Variants in CDC42SE2 observed in about 807,000 individuals in gnomAD.
CDC42SE2 encodes the protein CDC42 small effector 2.
A neutral mutation model predicts 11.5 loss-of-function variants in CDC42SE2; 3 were observed. The ratio of observed to expected loss-of-function variants is 0.26; its 90% CI spans 0.12 to 0.67. The LOEUF (loss-of-function observed/expected upper bound fraction) is 0.67, where lower values mean the gene tolerates loss of function less well. CDC42SE2 is among the 30% of genes least tolerant of loss of function. The probability of loss-of-function intolerance (pLI) is 0.80; values close to 1 mark genes in which losing one functional copy is unlikely to be tolerated. For missense variants in CDC42SE2, 82 were observed against 106.8 expected (o/e 0.77, Z 1.02); for synonymous variants, 33 against 34.8 (o/e 0.95, Z 0.18).
chr5:131,369,856 C>T (rs748419538), intron 3 of CDC42SE2, among the ~76,000 whole-genome samples: 8 of 152,162 alleles, frequency 5.3e-5, no homozygotes, highest in Non-Finnish European at 1.0e-4. Context: ...TTTAGATAAA[C>T]TGAAGCAGAT....
intron 2 of CDC42SE2, among the ~76,000 whole-genome samples, chr5:131,329,872 TC>T (rs1477677633): frequency 9.9e-5 from 4 of 40,258 alleles, no homozygotes. Context: ...AGAGTGAAAC[TC>T]CATCTCAAAA....
chr5:131,359,769 C>G (rs1035343939), intron 3 of CDC42SE2, among the ~76,000 whole-genome samples: 17 of 152,106 alleles, frequency 1.1e-4, no homozygotes, highest in African/African-American at 4.1e-4. Flanking sequence ...TCGTACATGA[C>G]TGAGAGGAGG....
chr5:131,353,925 T>A (rs1030947074), intron 2 of CDC42SE2, among the ~76,000 whole-genome samples: 1 of 150,366 alleles, frequency 6.7e-6, no homozygotes, highest in Non-Finnish European at 1.5e-5. Context: ...AAAAAAAAAA[T>A]TATCGTTTAA....
At chr5:131,237,776 A>G in the CDC42SE2 span, among the ~76,000 whole-genome samples, 554 of 152,192 alleles carry the variant, frequency 3.6e-3, 1 homozygote, top group Middle Eastern at 0.017. Flanking sequence ...TTTTGTAGAC[A>G]CAGAGTCTCG....
At chr5:131,233,531 C>A in the CDC42SE2 span, among the ~76,000 whole-genome samples, 6 of 152,278 alleles carry the variant, frequency 3.9e-5, no homozygotes, top group East Asian at 1.2e-3. Context: ...CCACACCCAG[C>A]TAATTTTTGT....
chr5:131,227,380 A>G, the CDC42SE2 span, among the ~76,000 whole-genome samples: 2 of 152,190 alleles, frequency 1.3e-5, no homozygotes, highest in Non-Finnish European at 2.9e-5. Flanking sequence ...CACGCCTGTA[A>G]TCTCAGCACT....
chr5:131,212,037 G>A, the CDC42SE2 span, among the ~76,000 whole-genome samples: 8 of 151,660 alleles, frequency 5.3e-5, no homozygotes, highest in Non-Finnish European at 8.8e-5. Flanking sequence ...AAAAAGTAAA[G>A]TAAAATAAAT....
At chr5:131,345,647 A>G (rs1194797602) in intron 2 of CDC42SE2, among the ~76,000 whole-genome samples, 1 of 152,200 alleles carries the variant, frequency 6.6e-6, no homozygotes. Context: ...AAATACAGAG[A>G]ATGCCACAAA....
rs945126356 is a variant in CDC42SE2 at position 131,394,236 on chromosome 5, G to C, written c.*3145G>C. ...TGAAATATATGCTAACAAATGTTAA[G>C]CAAGGGAAACTGAAGACTTAGTCAT... On this transcript the variant is annotated 3_prime_UTR_variant, in exon 5 of 5. Transcript: ENST00000505065. 6.6e-6 allele frequency: 1 copy of C among 152,300 alleles called. No individual in the cohort carries two copies. Among genetic ancestry groups the C allele is most frequent in the Non-Finnish European group, 1.5e-5 (1 of 68,026 alleles). The allele number at this position is 152,300 out of a possible 1,614,324, so 9.4% of individuals were successfully genotyped here.
rs1432431549 is a variant in CDC42SE2 at position 131,391,241 on chromosome 5, A to C, written c.*150A>C. On this transcript the variant is annotated 3_prime_UTR_variant, in exon 5 of 5. Coordinates refer to ENST00000505065, the MANE Select transcript of CDC42SE2 (RefSeq NM_001375635.1). Reference sequence around the variant, plus strand: ...AAGGCAAAATTACTCAGCTAAGTGTAGTTTCTGCACTTGGAATGTAAGTTT... The same window carrying C: ...AAGGCAAAATTACTCAGCTAAGTGTCGTTTCTGCACTTGGAATGTAAGTTT... 3.3e-6 allele frequency: 1 copy of C among 303,282 alleles called. No homozygotes were observed. The highest frequency in any genetic ancestry group is 2.2e-5 in the African/African-American group (1 of 45,440). 18.8% of individuals were successfully genotyped at this position (303,282 alleles called of 1,614,324 possible).
chr5:131,218,955 C>A, the CDC42SE2 span, among the ~76,000 whole-genome samples: 9 of 152,234 alleles, frequency 5.9e-5, no homozygotes, highest in South Asian at 2.1e-4. Context: ...TAAAGCCAAT[C>A]TATGTCTTAG....
intron 3 of CDC42SE2, among the ~76,000 whole-genome samples, chr5:131,383,374 C>T (rs574147895): frequency 1.2e-4 from 19 of 152,310 alleles, no homozygotes; most frequent in Non-Finnish European, 2.4e-4. Flanking sequence ...TTCTGTGGAA[C>T]AGGGCCCCAA....
intron 2 of CDC42SE2, among the ~76,000 whole-genome samples, chr5:131,353,243 C>T (rs1379966988): frequency 6.6e-6 from 1 of 151,972 alleles, no homozygotes; most frequent in African/African-American, 2.4e-5. Flanking sequence ...GCTGGGATTA[C>T]AGGCGTGAAT....
chr5:131,385,902 T>C (rs1350024376), intron 4 of CDC42SE2, among the ~76,000 whole-genome samples: 5 of 152,250 alleles, frequency 3.3e-5, no homozygotes, highest in Admixed American at 6.5e-5. Flanking sequence ...ATAAATACTT[T>C]GAAACTTGAA....
chr5:131,216,498 T>A, the CDC42SE2 span, among the ~76,000 whole-genome samples: 1 of 89,840 alleles, frequency 1.1e-5, no homozygotes. Context: ...TGAGAACCTG[T>A]CTCAAAAAAA....
chr5:131,235,898 C>A, the CDC42SE2 span, among the ~76,000 whole-genome samples: 1 of 152,216 alleles, frequency 6.6e-6, no homozygotes, highest in Admixed American at 6.5e-5. Context: ...CCGGCCCCAT[C>A]CAGAAATAAT....
chr5:131,364,525 G>A (rs758308200), intron 3 of CDC42SE2, among the ~76,000 whole-genome samples: 2 of 152,158 alleles, frequency 1.3e-5, no homozygotes, highest in Non-Finnish European at 2.9e-5. Context: ...TGTGAAATAG[G>A]AAATCATTGA....
intron 3 of CDC42SE2, among the ~76,000 whole-genome samples, chr5:131,361,656 TAGA>T (rs767765579): frequency 2.0e-5 from 3 of 152,186 alleles, no homozygotes; most frequent in Non-Finnish European, 4.4e-5. Flanking sequence ...TTTGGTGTGC[TAGA>T]AGAATTGGAT....
At chr5:131,366,479 A>G (rs916287131) in intron 3 of CDC42SE2, among the ~76,000 whole-genome samples, 1 of 151,964 alleles carries the variant, frequency 6.6e-6, no homozygotes, top group African/African-American at 2.4e-5. Flanking sequence ...TGTAAATGTC[A>G]GAGAAGAAAT....
Sources: gnomAD v4.1 joint callset for allele counts (sites outside exome capture counted in the v4.1 genomes callset) on GRCh38, gnomAD v4.1.1 for gene constraint, MANE v1.5 for transcripts, NCBI Gene and HGNC (gene_info 2026-07-23, HGNC 2026-07-21) for gene names.